SCN2A: variants seen among roughly 807,000 people sequenced by gnomAD.
SCN2A encodes the protein sodium voltage-gated channel alpha subunit 2, also known as sodium channel protein type 2 subunit alpha.
In SCN2A, 20 loss-of-function variants were observed where a neutral mutation model predicts 188.7. The ratio of observed to expected loss-of-function variants is 0.11; its 90% confidence interval spans 0.07 to 0.15. The LOEUF is 0.15. Among genes scored for constraint, SCN2A ranks in the 10% least tolerant of loss-of-function variants. The pLI is 1.00. For missense variants in SCN2A, 1,278 were observed against 2,445.0 expected (o/e 0.52, Z 10.07); for synonymous variants, 804 against 833.1 (o/e 0.97, Z 0.60).
At chr2:165,288,905 A>T (rs1305742142) in intron 1 of SCN2A, among the ~76,000 whole-genome samples, 3 of 152,152 alleles carry the variant, frequency 2.0e-5, no homozygotes, top group African/African-American at 7.2e-5. Flanking sequence ...CAAATCTTTT[A>T]TTGGTTTATG....
rs747869260 is a variant in SCN2A at position 165,331,399 on chromosome 2, A to G, written c.2219A>G (p.Asp740Gly). 2.5e-6 allele frequency: 4 copies of G among 1,613,784 alleles called. No homozygotes were observed. The Admixed American group carries it at 6.7e-5, about 27-fold the overall frequency. The change falls in exon 14 of 27, where the codon GAC becomes GGC. Residue 740 changes from aspartate to glycine, a missense_variant. This residue lies in a region of SCN2A where 315 missense variants were observed against 386.6 expected (regional missense o/e 0.81). Coordinates refer to ENST00000375437, the MANE Select transcript of SCN2A (RefSeq NM_001040142.2). ...TTTGCTAATATGTGTTTGATTTGGG[A>G]CTGTTGTAAACCATGGTTAAAGGTG... ...YKFANMCLIW[D>G]CCKPWLKVKH... is the part of the protein sequence containing the mutation.
At chr2:165,289,163 A>G (rs1229643382) in intron 1 of SCN2A, among the ~76,000 whole-genome samples, 1 of 152,054 alleles carries the variant, frequency 6.6e-6, no homozygotes, top group African/African-American at 2.4e-5. Flanking sequence ...TTTCTAGAGC[A>G]TGTATTATTA....
chr2:165,338,283 G>T (rs11677803), intron 14 of SCN2A, among the ~76,000 whole-genome samples: 46,229 of 144,782 alleles, frequency 0.32, 7,736 homozygotes, highest in Middle Eastern at 0.49. Flanking sequence ...TTTTTGAGAC[G>T]GAGTCTCGCT....
At chr2:165,251,537 A>G (rs1694093474) in intron 1 of SCN2A, among the ~76,000 whole-genome samples, 1 of 151,992 alleles carries the variant, frequency 6.6e-6, no homozygotes, top group East Asian at 1.9e-4. Flanking sequence ...TCTCTATGCC[A>G]TGAGTGAGGT....
At chr2:165,365,366 T>C (rs925454881) in intron 18 of SCN2A, 103 bp downstream of exon 18, 292 of 1,144,142 alleles carry the variant, frequency 2.6e-4, no homozygotes, top group Non-Finnish European at 3.5e-4. Context: ...CTATTATCTA[T>C]CTATCTGTAT....
chr2:165,277,805 C>T (rs1695410247), intron 1 of SCN2A, among the ~76,000 whole-genome samples: 1 of 152,286 alleles, frequency 6.6e-6, no homozygotes, highest in Middle Eastern at 3.4e-3. Flanking sequence ...GGCTATTTCA[C>T]CCCCAGCCTC....
At chr2:165,268,718 C>T (rs1278287081) in intron 1 of SCN2A, 1 of 151,622 alleles carries the variant, frequency 6.6e-6, no homozygotes. Flanking sequence ...ACGGAATCAA[C>T]CTAAGTCTTA....
chr2:165,340,114 G>T (rs181626551), intron 14 of SCN2A, among the ~76,000 whole-genome samples: 20 of 152,152 alleles, frequency 1.3e-4, no homozygotes, highest in Admixed American at 1.3e-3. Context: ...CCTCCACTTC[G>T]ATCTTATGCC....
intron 1 of SCN2A, 139 bp downstream of exon 1, chr2:165,239,779 C>A: frequency 7.4e-6 from 2 of 271,564 alleles, no homozygotes; most frequent in Non-Finnish European, 1.1e-5. Context: ...AGCTGTTGTG[C>A]AATTTAAAAT....
intron 18 of SCN2A, among the ~76,000 whole-genome samples, chr2:165,366,429 G>C (rs1035929089): frequency 6.6e-6 from 1 of 152,142 alleles, no homozygotes; most frequent in Non-Finnish European, 1.5e-5. Context: ...AGCAAACGAA[G>C]TATTCAATAA....
chr2:165,324,807 A>C (rs1412456876), intron 12 of SCN2A, among the ~76,000 whole-genome samples: 1 of 152,198 alleles, frequency 6.6e-6, no homozygotes, highest in Non-Finnish European at 1.5e-5. Flanking sequence ...ACATTCTATC[A>C]ACAGTGAAAT....
chr2:165,321,596 G>A (rs1223732381), intron 11 of SCN2A, among the ~76,000 whole-genome samples: 2 of 152,136 alleles, frequency 1.3e-5, no homozygotes, highest in African/African-American at 4.8e-5. Context: ...GCAAAGAGGA[G>A]CAAGTCACAT....
chr2:165,341,703 TGGGAAG>T, intron 14 of SCN2A, among the ~76,000 whole-genome samples: 1 of 152,178 alleles, frequency 6.6e-6, no homozygotes, highest in Admixed American at 6.5e-5. Context: ...GCTTCTCAGA[TGGGAAG>T]GCATAAGCAA....
chr2:165,298,409 A>G (rs1026250851), intron 3 of SCN2A, among the ~76,000 whole-genome samples: 1 of 152,212 alleles, frequency 6.6e-6, no homozygotes, highest in Non-Finnish European at 1.5e-5. Flanking sequence ...CCAGTATGGC[A>G]AATGTTGTCT....
chr2:165,250,254 C>T (rs1181064562), intron 1 of SCN2A, among the ~76,000 whole-genome samples: 1 of 151,958 alleles, frequency 6.6e-6, no homozygotes, highest in Non-Finnish European at 1.5e-5. Context: ...AATCAAGGTA[C>T]TATTGGAATT....
chr2:165,345,667 G>A (rs1488538061), intron 16 of SCN2A, among the ~76,000 whole-genome samples: 2 of 151,604 alleles, frequency 1.3e-5, no homozygotes, highest in Non-Finnish European at 2.9e-5. Context: ...TATCCAATTT[G>A]CCAGTCTGTG....
At chr2:165,268,867 G>A (rs1271417598) in intron 1 of SCN2A, 5 of 151,918 alleles carry the variant, frequency 3.3e-5, no homozygotes, top group African/African-American at 7.2e-5. Flanking sequence ...AGGACATTAG[G>A]TTGAGTAAAA....
rs1319821800 is a variant in SCN2A, at chr2:165,354,587, A to G, written c.3315A>G (p.Val1105=). The G allele has an allele frequency of 1.2e-6, 2 of 1,614,108 alleles. No homozygotes were observed. The highest frequency in any genetic ancestry group is 3.3e-5 in the Admixed American group (2 of 60,028). ...ACAACCCTAGCCTCACTGTGACAGTACCAATTGCTGTTGGAGAATCTGACT... is the reference window on the plus strand; with the variant it reads ...ACAACCCTAGCCTCACTGTGACAGTGCCAATTGCTGTTGGAGAATCTGACT... ...FINNPSLTVT[V]PIAVGESDFE... The change falls in exon 17 of 27, where the codon GTA becomes GTG. Residue 1105 remains valine (V), a synonymous_variant. Transcript: ENST00000375437.
At chr2:165,359,699 C>G (rs1700360233) in intron 17 of SCN2A, among the ~76,000 whole-genome samples, 1 of 151,920 alleles carries the variant, frequency 6.6e-6, no homozygotes, top group Non-Finnish European at 1.5e-5. Flanking sequence ...TGACTTTATC[C>G]TGGAGAATGT....
Sources: gnomAD v4.1 joint callset for allele counts (sites outside exome capture counted in the v4.1 genomes callset) on GRCh38, gnomAD v4.1.1 for gene constraint, gnomAD v4.1.1 regional missense constraint, MANE v1.5 for transcripts, NCBI Gene and HGNC (gene_info 2026-07-23, HGNC 2026-07-21) for gene names.